The following ABCB1 variants were observed in gnomAD, a reference collection of about 807,000 sequenced individuals.
ABCB1 encodes the protein ATP-dependent translocase ABCB1.
In ABCB1, 69 loss-of-function variants were observed where a neutral mutation model predicts 142.0. The observed-to-expected ratio is 0.49, with a 90% CI of 0.40 to 0.59. The LOEUF (loss-of-function observed/expected upper bound fraction) is 0.59, where lower values mean the gene tolerates loss of function less well. ABCB1 is among the 20% of genes least tolerant of loss of function. The pLI is 0.00. For synonymous variants in ABCB1, 532 were observed against 539.2 expected (o/e 0.99, Z 0.18); for missense variants, 1,326 against 1,554.7 (o/e 0.85, Z 2.47).
chr7:87,674,792 A>G (rs1180099872), intron 1 of ABCB1, among the ~76,000 whole-genome samples: 1 of 152,110 alleles, frequency 6.6e-6, no homozygotes, highest in Non-Finnish European at 1.5e-5. Flanking sequence ...AGGAGAGGCT[A>G]GCTGACAGGA....
chr7:87,632,944 G>A (rs909123489), intron 1 of ABCB1, among the ~76,000 whole-genome samples: 4 of 152,184 alleles, frequency 2.6e-5, no homozygotes, highest in Non-Finnish European at 5.9e-5. Context: ...GTAGCTAGGA[G>A]GGACTAATAA....
intron 14 of ABCB1, among the ~76,000 whole-genome samples, chr7:87,546,672 T>C (rs997767845): frequency 3.9e-5 from 6 of 152,200 alleles, no homozygotes; most frequent in Admixed American, 6.5e-5. Flanking sequence ...TGTGCTGTAC[T>C]GATACACACC....
chr7:87,690,334 ATTTTC>A (rs1827894655), intron 1 of ABCB1, among the ~76,000 whole-genome samples: 1 of 151,968 alleles, frequency 6.6e-6, no homozygotes, highest in South Asian at 2.1e-4. Context: ...CTGTTTTTAC[ATTTTC>A]TTTTCTTTAA....
At chr7:87,515,098 G>C in intron 25 of ABCB1, 133 bp downstream of exon 25, 1 of 1,183,232 alleles carries the variant, frequency 8.5e-7, no homozygotes, top group African/African-American at 1.5e-5. Context: ...CCATATTTAG[G>C]CTCTCAGACT....
intron 17 of ABCB1, among the ~76,000 whole-genome samples, chr7:87,542,459 A>G (rs550847021): frequency 2.7e-4 from 41 of 152,346 alleles, no homozygotes; most frequent in African/African-American, 9.1e-4. Context: ...ACTCAAGGAT[A>G]TAAATCCAGG....
intron 4 of ABCB1, among the ~76,000 whole-genome samples, chr7:87,584,585 C>G (rs1202184): frequency 6.6e-6 from 1 of 151,936 alleles, no homozygotes; most frequent in Non-Finnish European, 1.5e-5. Context: ...GTATGTTACA[C>G]CCAGATTATT....
chr7:87,672,783 A>G (rs1825960736), intron 1 of ABCB1, among the ~76,000 whole-genome samples: 1 of 152,076 alleles, frequency 6.6e-6, no homozygotes, highest in African/African-American at 2.4e-5. Context: ...ACATTGACTC[A>G]CTGCTTCCCT....
At position 87,626,498 on chromosome 7, in the gene ABCB1, CATATATGTGTCATATATATGTGTCAT is replaced by C. The variant is rs1563081052; in HGVS notation, c.-330-25446_-330-25421del. Among the ~76,000 whole-genome samples the C allele has an allele frequency of 2.5e-3, 20 of 7,954 alleles. 2 individuals carry two copies. The highest frequency in any genetic ancestry group is 3.4e-3 in the Non-Finnish European group (20 of 5,882). 5.2% of individuals were successfully genotyped at this position (7,954 alleles called of 152,430 possible). ...ATATATATGTGTCATATATATGTGT[CATATATGTGTCATATATATGTGTCAT>C]ATATATGTGTCATATATGTGTCATA... On this transcript the variant is annotated intron_variant, in intron 1 of 28. Transcript: ENST00000265724.
chr7:87,570,648 A>G lies in ABCB1; in HGVS notation c.287-425T>C, dbSNP rs545682484. Among the ~76,000 whole-genome samples the G allele has an allele frequency of 2.2e-4, 34 of 152,354 alleles. No homozygotes were observed. The South Asian group carries it at 4.6e-3, about 20-fold the overall frequency. On this transcript the variant is annotated intron_variant, in intron 4 of 27. Transcript: ENST00000622132. The stretch of plus-strand genomic sequence containing the variant: ...TTTTATTCTTATTTAAAAATATCAA[A>G]TACAAAGAACAGTGTAATAAACACC...
chr7:87,589,998 A>T (rs1818932962), intron 3 of ABCB1, among the ~76,000 whole-genome samples: 1 of 152,216 alleles, frequency 6.6e-6, no homozygotes, highest in South Asian at 2.1e-4. Context: ...AGTAGAAGGT[A>T]CTGACAGGAG....
intron 4 of ABCB1, among the ~76,000 whole-genome samples, 165 bp from the exon 5 acceptor site, chr7:87,570,388 C>T (rs1327290423): frequency 6.6e-6 from 1 of 152,204 alleles, no homozygotes; most frequent in Non-Finnish European, 1.5e-5. Flanking sequence ...CATTCAAATA[C>T]TTCTCTGCTG....
intron 1 of ABCB1, among the ~76,000 whole-genome samples, chr7:87,619,108 C>T (rs2130086997): frequency 6.6e-6 from 1 of 152,274 alleles, no homozygotes; most frequent in South Asian, 2.1e-4. Flanking sequence ...TGTTTTTAAA[C>T]CATCTGTTTG....
chr7:87,608,402 C>A (rs2130040666), intron 1 of ABCB1, among the ~76,000 whole-genome samples: 1 of 152,328 alleles, frequency 6.6e-6, no homozygotes, highest in Middle Eastern at 3.4e-3. Context: ...AAAATGAAAT[C>A]TGGCTATAAA....
intron 1 of ABCB1, among the ~76,000 whole-genome samples, chr7:87,674,746 G>A (rs1373667241): frequency 6.6e-6 from 1 of 152,142 alleles, no homozygotes; most frequent in Non-Finnish European, 1.5e-5. Flanking sequence ...GGCATCTGAG[G>A]CCGCATTGCA....
intron 23 of ABCB1, 59 bp from the exon 24 acceptor site, chr7:87,516,724 G>A: frequency 8.9e-7 from 1 of 1,118,230 alleles, no homozygotes; most frequent in African/African-American, 2.6e-5. Context: ...CTAGAAAGCT[G>A]ACACTCCTTT....
At chr7:87,556,686 T>A (rs549526286) in intron 8 of ABCB1, among the ~76,000 whole-genome samples, 244 of 152,292 alleles carry the variant, frequency 1.6e-3, no homozygotes, top group African/African-American at 5.7e-3. Context: ...GTCTCCCTGC[T>A]TCCACCCTTT....
At position 87,550,803 on chromosome 7, in the gene ABCB1, A is replaced by T. The variant is rs200010117; in HGVS notation, c.1035T>A (p.Val345=). The T allele has an allele frequency of 1.9e-6, 3 of 1,613,644 alleles. No homozygotes were observed. Among genetic ancestry groups the T allele is most frequent in the Non-Finnish European group, 2.5e-6 (3 of 1,179,566 alleles). The change falls in exon 10 of 28, where the codon GTT becomes GTA. Residue 345 remains valine, a synonymous_variant. Coordinates refer to ENST00000622132, the MANE Select transcript of ABCB1 (RefSeq NM_001348946.2). ...FFSVLIGAFS[V]GQASPSIEAF... ...CTTCAATGCTTGGAGATGCCTGTCCAACACTAAAAGCCCCAATTAATACAG... is the reference window on the plus strand; with the variant it reads ...CTTCAATGCTTGGAGATGCCTGTCCTACACTAAAAGCCCCAATTAATACAG...
intron 1 of ABCB1, among the ~76,000 whole-genome samples, chr7:87,681,528 G>GTAA (rs1826928060): frequency 6.6e-6 from 1 of 150,722 alleles, no homozygotes; most frequent in Admixed American, 6.6e-5. Flanking sequence ...TATTAAGTGT[G>GTAA]TAATAGCATT....
chr7:87,577,564 T>C (rs1818321169), intron 4 of ABCB1, among the ~76,000 whole-genome samples: 1 of 152,232 alleles, frequency 6.6e-6, no homozygotes, highest in South Asian at 2.1e-4. Flanking sequence ...GGGTTTTCTT[T>C]TCTCCACATC....
Sources: allele counts gnomAD v4.1 joint callset (sites outside exome capture counted in the v4.1 genomes callset), GRCh38; gene constraint gnomAD v4.1.1; transcripts MANE v1.5; gene names NCBI Gene and HGNC (gene_info 2026-07-23, HGNC 2026-07-21).